GRP: variants seen among roughly 807,000 people sequenced by gnomAD.
GRP encodes the protein gastrin releasing peptide, also known as gastrin-releasing peptide.
A neutral mutation model predicts 12.7 loss-of-function variants in GRP; 11 were observed. The ratio of observed to expected loss-of-function variants is 0.87; its 90% confidence interval spans 0.55 to 1.44. GRP has a LOEUF of 1.44. Among genes scored for constraint, GRP ranks in the 40% most tolerant of loss-of-function variants. The pLI is 0.00. For missense variants in GRP, 212 were observed against 185.4 expected (o/e 1.14, Z -0.83); for synonymous variants, 84 against 77.7 (o/e 1.08, Z -0.43).
chr18:59,222,322 A>C (rs140804812), intron 1 of GRP, among the ~76,000 whole-genome samples: 7 of 152,262 alleles, frequency 4.6e-5, no homozygotes, highest in African/African-American at 1.7e-4. Flanking sequence ...CTGCCGTTTA[A>C]TTGCCCTTCA....
chr18:59,224,732 T>C (rs935647839), intron 1 of GRP, among the ~76,000 whole-genome samples: 1 of 152,224 alleles, frequency 6.6e-6, no homozygotes, highest in Non-Finnish European at 1.5e-5. Context: ...TAACAGCAGC[T>C]TTTTAAAAAA....
At chr18:59,228,015 T>G (rs2069971918) in intron 2 of GRP, among the ~76,000 whole-genome samples, 1 of 152,202 alleles carries the variant, frequency 6.6e-6, no homozygotes, top group Non-Finnish European at 1.5e-5. Context: ...TTTCTATTAT[T>G]TTTATGCATT....
chr18:59,225,206 C>A (rs2069897231), intron 1 of GRP, among the ~76,000 whole-genome samples: 1 of 152,094 alleles, frequency 6.6e-6, no homozygotes, highest in Admixed American at 6.5e-5. Flanking sequence ...ACTAGGGGTG[C>A]TAAACGACTT....
upstream of GRP, among the ~76,000 whole-genome samples, chr18:59,219,637 G>A (rs2069795446): frequency 6.6e-6 from 1 of 151,940 alleles, no homozygotes; most frequent in South Asian, 2.1e-4. Context: ...CTGCAAGGAG[G>A]CAAGGTTCCA....
chr18:59,228,002 G>A (rs982237700), intron 2 of GRP, among the ~76,000 whole-genome samples: 6 of 152,094 alleles, frequency 3.9e-5, no homozygotes. Context: ...ATCAGGCTTT[G>A]CTTTTCTATT....
chr18:59,219,189 G>A (rs2069788467), upstream of GRP, among the ~76,000 whole-genome samples: 1 of 151,796 alleles, frequency 6.6e-6, no homozygotes. Context: ...GGCAGTTTAG[G>A]GACAGTTTGA....
Position 59,220,166 on chromosome 18 carries a change from C to A in GRP, c.-100C>A. On this transcript the variant is annotated 5_prime_UTR_variant, in exon 1 of 3. Transcript: ENST00000256857. ...GCCCTAGTGGAGGCCGCAGCAGTAGCACCAGCGGCTGCGGCGGCGGAGCTC... is the reference window on the plus strand; with the variant it reads ...GCCCTAGTGGAGGCCGCAGCAGTAGAACCAGCGGCTGCGGCGGCGGAGCTC... 1 of 898,098 alleles carries A rather than the reference C, an allele frequency of 1.1e-6. No individual in the cohort carries two copies. 55.6% of individuals were successfully genotyped at this position (898,098 alleles called of 1,614,324 possible).
At chr18:59,220,553 C>T in intron 1 of GRP, 149 bp downstream of exon 1, 1 of 618,536 alleles carries the variant, frequency 1.6e-6, no homozygotes, top group South Asian at 4.2e-5. Context: ...ACACCTTCCC[C>T]GTTCTCCTAA....
intron 2 of GRP, among the ~76,000 whole-genome samples, chr18:59,226,151 A>G (rs1175407517): frequency 6.6e-6 from 1 of 152,180 alleles, no homozygotes; most frequent in East Asian, 1.9e-4. Context: ...CTTGTTTGCT[A>G]CCTTTGACAC....
At chr18:59,227,676 A>T (rs1405422872) in intron 2 of GRP, among the ~76,000 whole-genome samples, 3 of 152,186 alleles carry the variant, frequency 2.0e-5, no homozygotes, top group Non-Finnish European at 4.4e-5. Context: ...TCATGTTACT[A>T]TTCTATAGTG....
intron 1 of GRP, among the ~76,000 whole-genome samples, chr18:59,223,083 C>G (rs2069861263): frequency 6.6e-6 from 1 of 152,166 alleles, no homozygotes; most frequent in Admixed American, 6.5e-5. Flanking sequence ...ACACTTTCAT[C>G]TATGTCTTAT....
At position 59,230,422 on chromosome 18, in the gene GRP, C is replaced by T. The variant is rs779451431; in HGVS notation, c.401C>T (p.Pro134Leu). Residue 134 changes from proline (P) to leucine (L), a missense_variant, in exon 3 of 3, where the codon CCA becomes CTA. Transcript: ENST00000256857. ...SKGKVGRLSA[P>L]GSQREGRNPQ... ...TCTTAAGTTGGTAGACTCTCTGCTC[C>T]AGGTTCTCAACGTGAAGGAAGGAAC... The T allele has an allele frequency of 1.0e-5, 16 of 1,591,902 alleles. No individual in the cohort carries two copies. The highest frequency in any genetic ancestry group is 1.4e-5 in the Non-Finnish European group (16 of 1,159,754).
chr18:59,225,459 G>A (rs2069901165), intron 1 of GRP, 33 bp from the exon 2 acceptor site: 1 of 1,577,566 alleles, frequency 6.3e-7, no homozygotes, highest in East Asian at 2.2e-5. Flanking sequence ...TAAATTTGTG[G>A]CATTCTGAGT....
At chr18:59,227,053 C>CTTTCTTTCTTTCTTTCT (rs869258422) in intron 2 of GRP, among the ~76,000 whole-genome samples, 5 of 104,880 alleles carry the variant, frequency 4.8e-5, no homozygotes, top group African/African-American at 1.5e-4. Flanking sequence ...TTCTTTCTTT[C>CTTTCTTTCTTTCTTTCT]TTCCTTTCTT....
intron 1 of GRP, among the ~76,000 whole-genome samples, chr18:59,225,190 T>C (rs922379356): frequency 6.6e-6 from 1 of 152,104 alleles, no homozygotes; most frequent in Non-Finnish European, 1.5e-5. Flanking sequence ...GTTGAGAAAA[T>C]TGAAGACTAG....
intron 2 of GRP, among the ~76,000 whole-genome samples, chr18:59,229,499 G>C (rs1040445236): frequency 3.3e-5 from 5 of 152,138 alleles, no homozygotes; most frequent in Non-Finnish European, 7.4e-5. Flanking sequence ...AAGCTAATTG[G>C]CATGCGTGGG....
rs767865022 is a variant in GRP at position 59,230,401 on chromosome 18, A to G, written c.383-3A>G. 1 of 1,545,024 alleles carries G rather than the reference A, an allele frequency of 6.5e-7. No homozygotes were observed. Among genetic ancestry groups the G allele is most frequent in the Admixed American group, 1.7e-5 (1 of 59,882 alleles). ...TGCTGAACTCTTTCTAATATTTCTT[A>G]AGTTGGTAGACTCTCTGCTCCAGGT... On this transcript the variant is annotated splice_polypyrimidine_tract_variant and splice_region_variant and intron_variant, in intron 2 of 2. Transcript: ENST00000256857.
At chr18:59,227,016 T>TCTTTCTTTCTTTCTTC (rs2069941673) in intron 2 of GRP, among the ~76,000 whole-genome samples, 4 of 129,308 alleles carry the variant, frequency 3.1e-5, no homozygotes, top group Non-Finnish European at 6.8e-5. Flanking sequence ...TTTCTTTCTT[T>TCTTTCTTTCTTTCTTC]CTTTCTTTCT....
intron 2 of GRP, among the ~76,000 whole-genome samples, chr18:59,226,992 CCTTTCTTTCTTTCTTT>C (rs34258044): frequency 0.029 from 3,101 of 107,834 alleles, 52 homozygotes; most frequent in African/African-American, 0.041. Flanking sequence ...TTCTTTTCTT[CCTTTCTTTCTTTCTTT>C]CTTTCTTTCT....
Sources: allele counts gnomAD v4.1 joint callset (sites outside exome capture counted in the v4.1 genomes callset), GRCh38; gene constraint gnomAD v4.1.1; transcripts MANE v1.5; gene names NCBI Gene and HGNC (gene_info 2026-07-23, HGNC 2026-07-21).